ZNF619: variants seen among roughly 807,000 people sequenced by gnomAD.
ZNF619 encodes the protein zinc finger protein 619.
Under a neutral mutation model 14.2 loss-of-function variants are expected in ZNF619, and 9 were observed. That is an observed-to-expected ratio of 0.64 (90% confidence interval 0.38 to 1.11). The LOEUF (loss-of-function observed/expected upper bound fraction) is 1.11, where lower values mean the gene tolerates loss of function less well. Ranked by LOEUF, ZNF619 falls within the 50% of genes least tolerant of loss-of-function variation. The probability of loss-of-function intolerance (pLI) is 0.01; values close to 1 mark genes in which losing one functional copy is unlikely to be tolerated. For missense variants in ZNF619, 659 were observed against 680.1 expected (o/e 0.97, Z 0.34); for synonymous variants, 246 against 252.8 (o/e 0.97, Z 0.26).
intron 2 of ZNF619, among the ~76,000 whole-genome samples, chr3:40,481,462 T>C (rs1697389852): frequency 6.6e-6 from 1 of 152,162 alleles, no homozygotes; most frequent in Non-Finnish European, 1.5e-5. Context: ...CACTCCTCTG[T>C]CTGTAGCAGA....
chr3:40,487,391 G>A lies in ZNF619; in HGVS notation c.881G>A (p.Gly294Asp). 1 of 1,614,210 alleles carries A rather than the reference G, an allele frequency of 6.2e-7. No individual in the cohort carries two copies. Among genetic ancestry groups the A allele is most frequent in the Non-Finnish European group, 8.5e-7 (1 of 1,180,042 alleles). The part of the protein sequence containing the change: ...GQRPYECTDC[G>D]KTFSYNSKLI... ...AGGCCCTATGAATGTACTGACTGTG[G>A]TAAAACCTTCAGTTATAATTCAAAA... Residue 294 changes from glycine (G) to aspartate (D), a missense_variant, in exon 5 of 5, where the codon GGT (glycine) becomes GAT (aspartate). Transcript: ENST00000432264.
At position 40,488,116 on chromosome 3, in the gene ZNF619, C is replaced by T; in HGVS notation, c.1606C>T (p.Leu536=). The T allele has an allele frequency of 6.2e-7, 1 of 1,614,184 alleles. No individual in the cohort carries two copies. The highest frequency in any genetic ancestry group is 8.5e-7 in the Non-Finnish European group (1 of 1,180,024). Residue 536 remains leucine (L), a synonymous_variant, in exon 5 of 5, where the codon CTG becomes TTG. Coordinates refer to ENST00000432264, the MANE Select transcript of ZNF619 (RefSeq NM_001145093.4). ...ACTTCCTCCCTCTGTGCCTTTCTTC[C>T]TGCTGCTTCCCTCATCTGAAAAGGC... ...VVLPPSVPFF[L]LLPSSEKANP...
rs764653584 is a variant in ZNF619 at position 40,482,614 on chromosome 3, C to A, written c.205C>A (p.Leu69Met). The A allele has an allele frequency of 6.2e-7, 1 of 1,614,128 alleles. No individual in the cohort carries two copies. The highest frequency in any genetic ancestry group is 2.2e-5 in the East Asian group (1 of 44,874). The part of the protein sequence containing the change: ...LSAFPFPKPD[L>M]IFQLEQGEAA... Reference sequence around the variant, plus strand: ...AGCATTTCCATTCCCCAAACCAGATCTGATATTCCAGCTGGAGCAAGGAGA... The same window carrying A: ...AGCATTTCCATTCCCCAAACCAGATATGATATTCCAGCTGGAGCAAGGAGA... Residue 69 changes from leucine (L) to methionine (M), a missense_variant, in exon 4 of 5, where the codon CTG (leucine) becomes ATG (methionine). Physicochemically the swap from Leu to Met is conservative, Grantham distance 15. Transcript: ENST00000432264.
chr3:40,490,021 TTCA>T lies in ZNF619; in HGVS notation c.*1784_*1786del. The T allele has an allele frequency of 1.3e-5, 2 of 152,276 alleles. No homozygotes were observed. The highest frequency in any genetic ancestry group is 4.2e-4 in the South Asian group (2 of 4,818). The allele number at this position is 152,276 out of a possible 1,614,324, so 9.4% of individuals were successfully genotyped here. ...TAAGAGGTGATCAGGATTAGCCAAG[TTCA>T]TCAGGGTGGAGCCTCCATGATGGGA... On this transcript the variant is annotated 3_prime_UTR_variant, in exon 5 of 5. Coordinates refer to ENST00000432264, the MANE Select transcript of ZNF619 (RefSeq NM_001145093.4).
intron 4 of ZNF619, among the ~76,000 whole-genome samples, chr3:40,485,999 G>A (rs779711852): frequency 6.6e-6 from 1 of 152,188 alleles, no homozygotes; most frequent in Non-Finnish European, 1.5e-5. Flanking sequence ...AGCCAGGCTT[G>A]TGATAGAGAA....
chr3:40,486,715 A>G (rs1226552604), intron 4 of ZNF619, 91 bp from the exon 5 acceptor site: 26 of 1,030,218 alleles, frequency 2.5e-5, no homozygotes, highest in Non-Finnish European at 1.5e-5. Context: ...AAAAAAAAAA[A>G]TTCATGTGTC....
chr3:40,480,074 G>A (rs1307612743), intron 2 of ZNF619, among the ~76,000 whole-genome samples: 2 of 152,156 alleles, frequency 1.3e-5, no homozygotes, highest in African/African-American at 4.8e-5. Flanking sequence ...AGAAAACAAG[G>A]AACCAAAGAA....
In ZNF619 at chr3:40,487,737, C is replaced by G; in HGVS notation, c.1227C>G (p.Phe409Leu). ...LYKCNECWKT[F>L]SCSSRFIVHQ... is the part of the protein sequence containing the mutation. ...AATGTAATGAATGTTGGAAAACTTT[C>G]AGCTGTAGCTCCCGCTTCATAGTGC... Residue 409 changes from phenylalanine (F) to leucine (L), a missense_variant, in exon 5 of 5, where the codon TTC (phenylalanine) becomes TTG (leucine). Coordinates refer to ENST00000432264, the MANE Select transcript of ZNF619 (RefSeq NM_001145093.4). 6.2e-7 allele frequency: 1 copy of G among 1,614,116 alleles called. No individual in the cohort carries two copies. The highest frequency in any genetic ancestry group is 8.5e-7 in the Non-Finnish European group (1 of 1,180,028).
intron 4 of ZNF619, among the ~76,000 whole-genome samples, chr3:40,483,948 C>G: frequency 6.9e-6 from 1 of 144,416 alleles, no homozygotes. Flanking sequence ...TTTTTTGAGT[C>G]AGAGTCTTGC....
chr3:40,486,925 T>C lies in ZNF619; in HGVS notation c.415T>C (p.Phe139Leu), dbSNP rs1356050552. The change falls in exon 5 of 5, where the codon TTC becomes CTC. Residue 139 changes from phenylalanine to leucine, a missense_variant. By Grantham distance (22) the Phe-to-Leu change is conservative. Coordinates refer to ENST00000432264, the MANE Select transcript of ZNF619 (RefSeq NM_001145093.4). ...GATGGACGTTCCCCAGCACCCTGAC[T>C]TCAAGGACAGGTTAGAGAAGTCACA... is the stretch of plus-strand genomic sequence containing the variant. ...LLMDVPQHPD[F>L]KDRLEKSQLH... 7 of 1,614,016 alleles carry C rather than the reference T, an allele frequency of 4.3e-6. No homozygotes were observed. In the South Asian group the frequency reaches 7.7e-5, roughly 18 times the overall value.
intron 2 of ZNF619, among the ~76,000 whole-genome samples, chr3:40,480,388 G>T (rs952851082): frequency 6.6e-6 from 1 of 151,936 alleles, no homozygotes; most frequent in Admixed American, 6.6e-5. Flanking sequence ...TCTATGAGGA[G>T]ACATTTAAGA....
In ZNF619 at chr3:40,477,922, G is replaced by A. The variant is rs766118855; in HGVS notation, c.-58G>A. ...CTCATTGTGGTTCTCTCTTAGCTCC[G>A]CAGGTTCTTACTTTTTCAAACCTAG... is the stretch of plus-strand genomic sequence containing the variant. On this transcript the variant is annotated 5_prime_UTR_variant, in exon 2 of 5. Coordinates refer to ENST00000432264, the MANE Select transcript of ZNF619 (RefSeq NM_001145093.4). 31 of 1,533,536 alleles carry A rather than the reference G, an allele frequency of 2.0e-5. No individual in the cohort carries two copies. The highest frequency in any genetic ancestry group is 4.1e-5 in the African/African-American group (3 of 72,616). 95.0% of individuals were successfully genotyped at this position (1,533,536 alleles called of 1,614,324 possible).
chr3:40,482,440 C>T, intron 3 of ZNF619, 148 bp from the exon 4 acceptor site: 3 of 1,588,802 alleles, frequency 1.9e-6, no homozygotes, highest in Non-Finnish European at 2.6e-6. Context: ...TCAAGCCCTT[C>T]CTTAGATTCT....
In ZNF619 at chr3:40,488,037, C is replaced by G; in HGVS notation, c.1527C>G (p.Thr509=). The change falls in exon 5 of 5, where the codon ACC becomes ACG. Residue 509 remains threonine (T), a synonymous_variant. Transcript: ENST00000432264. Reference sequence around the variant, plus strand: ...TCTCTCCTCTGCCTCCCCAACATACCTGCTCTGCCCTAGCCCCACCAGGGC... The same window carrying G: ...TCTCTCCTCTGCCTCCCCAACATACGTGCTCTGCCCTAGCCCCACCAGGGC... ...AILSPLPPQH[T]CSALAPPGPP... is the part of the protein sequence containing the mutation. The G allele has an allele frequency of 1.2e-6, 2 of 1,614,142 alleles. No individual in the cohort carries two copies. The highest frequency in any genetic ancestry group is 2.2e-5 in the East Asian group (1 of 44,882).
Position 40,486,965 on chromosome 3 carries a change from G to A in ZNF619, c.455G>A (p.Gly152Glu). 6.2e-7 allele frequency: 1 copy of A among 1,614,096 alleles called. No homozygotes were observed. Residue 152 changes from glycine to glutamate, a missense_variant, in exon 5 of 5, where the codon GGG (glycine) becomes GAG (glutamate). Physicochemically the swap from Gly to Glu is moderately conservative, Grantham distance 98 (BLOSUM62 -2). Transcript: ENST00000432264. ...RLEKSQLHDT[G>E]NKTKIGDCTD... ...GAGAAGTCACAGCTACATGATACAGGGAATAAAACAAAGATAGGGGATTGC... is the reference window on the plus strand; with the variant it reads ...GAGAAGTCACAGCTACATGATACAGAGAATAAAACAAAGATAGGGGATTGC...
In ZNF619 at chr3:40,487,134, GT is replaced by G; in HGVS notation, c.625del (p.Cys209ValfsTer95). 1 of 1,614,160 alleles carries G rather than the reference GT, an allele frequency of 6.2e-7. No individual in the cohort carries two copies. ...KEQVFYKCGE[C>X]GSYYNPHSDF... ...AACAGGTGTTTTATAAATGTGGTGA[GT>G]GTGGCAGTTACTACAACCCACATTC... On this transcript the variant is annotated frameshift_variant, in exon 5 of 5. Transcript: ENST00000432264. LOFTEE classifies it low-confidence loss of function (END_TRUNC).
chr3:40,483,375 C>G (rs1296065752), intron 4 of ZNF619, among the ~76,000 whole-genome samples: 1 of 150,962 alleles, frequency 6.6e-6, no homozygotes, highest in African/African-American at 2.4e-5. Context: ...ACCACAACCT[C>G]CGCCTCCTGG....
In ZNF619 at chr3:40,482,674, G is replaced by T; in HGVS notation, c.265G>T (p.Gly89Trp). The T allele has an allele frequency of 6.2e-7, 1 of 1,614,042 alleles. No individual in the cohort carries two copies. The highest frequency in any genetic ancestry group is 8.5e-7 in the Non-Finnish European group (1 of 1,179,966). ...AWGPDPWTLA[G>W]GEALRGMCTG... ...GGGCCCAGATCCCTGGACACTTGCTGGGGGAGAGGCCCTGAGAGGCATGTG... is the reference window on the plus strand; with the variant it reads ...GGGCCCAGATCCCTGGACACTTGCTTGGGGAGAGGCCCTGAGAGGCATGTG... The change falls in exon 4 of 5, where the codon GGG (glycine) becomes TGG (tryptophan). Residue 89 changes from glycine to tryptophan, a missense_variant. Gly to Trp is a radical substitution (Grantham distance 184, BLOSUM62 -2). Transcript: ENST00000432264.
In ZNF619 at chr3:40,487,219, T is replaced by C. The variant is rs1697628477; in HGVS notation, c.709T>C (p.Cys237Arg). The C allele has an allele frequency of 6.2e-7, 1 of 1,614,180 alleles. No homozygotes were observed. The highest frequency in any genetic ancestry group is 8.5e-7 in the Non-Finnish European group (1 of 1,180,040). The change falls in exon 5 of 5, where the codon TGT becomes CGT. Residue 237 changes from cysteine to arginine, a missense_variant. By Grantham distance (180) the Cys-to-Arg change is radical. Coordinates refer to ENST00000432264, the MANE Select transcript of ZNF619 (RefSeq NM_001145093.4). ...TGAGAAGCCCTACACATGCAAAGAA[T>C]GTGGGAAAACCTTCAGATATAACTC... ...TNEKPYTCKE[C>R]GKTFRYNSKL... is the part of the protein sequence containing the mutation.
Sources: allele counts gnomAD v4.1 joint callset (sites outside exome capture counted in the v4.1 genomes callset), GRCh38; gene constraint gnomAD v4.1.1; transcripts MANE v1.5; gene names NCBI Gene and HGNC (gene_info 2026-07-23, HGNC 2026-07-21).